RIMS3: variants seen among roughly 807,000 people sequenced by gnomAD.
RIMS3 encodes regulating synaptic membrane exocytosis 3.
A neutral mutation model predicts 29.2 loss-of-function variants in RIMS3; 15 were observed. The ratio of observed to expected loss-of-function variants is 0.51; its 90% confidence interval spans 0.34 to 0.79. The LOEUF (loss-of-function observed/expected upper bound fraction) is 0.79. Ranked by LOEUF, RIMS3 falls within the 30% of genes least tolerant of loss-of-function variation. The pLI, the probability that RIMS3 is intolerant of heterozygous loss-of-function variation, is 0.01. For synonymous variants in RIMS3, 161 were observed against 170.1 expected, an observed-to-expected ratio of 0.95 and a Z score of 0.41; for missense variants, 342 against 421.4, an observed-to-expected ratio of 0.81 and a Z score of 1.65.
At chr1:40,682,739 A>ATTTTTTTTTTTTTTTTT in the RIMS3 span, among the ~76,000 whole-genome samples, 4 of 46,484 alleles carry the variant, frequency 8.6e-5, no homozygotes, top group African/African-American at 3.5e-4. Flanking sequence ...CCCTTTGCAG[A>ATTTTTTTTTTTTTTTTT]TCTTTTTTTT....
At chr1:40,657,801 TC>T (rs1457897647) in intron 1 of RIMS3, among the ~76,000 whole-genome samples, 3 of 149,174 alleles carry the variant, frequency 2.0e-5, no homozygotes, top group Non-Finnish European at 4.4e-5. Context: ...GCACCTGTAG[TC>T]CCAACTTCTT....
At chr1:40,675,931 A>C in the RIMS3 span, among the ~76,000 whole-genome samples, 1 of 152,092 alleles carries the variant, frequency 6.6e-6, no homozygotes, top group Non-Finnish European at 1.5e-5. Flanking sequence ...CTGTCAAAAA[A>C]AAAAAGTCAT....
chr1:40,624,315 C>T lies in RIMS3; in HGVS notation c.*2202G>A, dbSNP rs1290028646. 6.6e-6 allele frequency: 1 copy of T among 152,156 alleles called. No homozygotes were observed. Among genetic ancestry groups the T allele is most frequent in the African/African-American group, 2.4e-5 (1 of 41,418 alleles). 9.4% of individuals were successfully genotyped at this position (152,156 alleles called of 1,614,324 possible). A position where few individuals can be genotyped will look rare whatever the true frequency, so the allele number is the denominator to read the frequency against. On this transcript the variant is annotated 3_prime_UTR_variant, in exon 8 of 8. Transcript: ENST00000372684. ...AAGGTGTAGAGTATTTTCGCAACAC[C>T]CTGACAGTGACTGCTCTAGAGGTGA...
rs1646498611 is a variant in RIMS3, at chr1:40,632,997, C to T, written c.472+72G>A. 6.1e-6 allele frequency: 7 copies of T among 1,156,330 alleles called. No homozygotes were observed. The South Asian group carries it at 6.1e-5, about 10-fold the overall frequency. The allele number at this position is 1,156,330 out of a possible 1,614,324, so 71.6% of individuals were successfully genotyped here. A position where few individuals can be genotyped will look rare whatever the true frequency, so the allele number is the denominator to read the frequency against. ...AAACTCTACGATGGCCAATGCAGGG[C>T]CCCCACTGAGCTCACCCTTCCTGTC... On this transcript the variant is annotated intron_variant, in intron 5 of 7. Transcript: ENST00000372684.
chr1:40,656,574 G>A (rs1427200929), intron 1 of RIMS3, among the ~76,000 whole-genome samples: 3 of 151,964 alleles, frequency 2.0e-5, no homozygotes, highest in East Asian at 1.9e-4. Context: ...AACTGAGGTC[G>A]GGAGTTCATG....
At chr1:40,638,620 G>A (rs1239415956) in intron 3 of RIMS3, among the ~76,000 whole-genome samples, 1 of 152,190 alleles carries the variant, frequency 6.6e-6, no homozygotes, top group East Asian at 1.9e-4. Context: ...TCCAGAAGGG[G>A]AAAGCCACTG....
chr1:40,662,927 G>A (rs948857398), intron 1 of RIMS3, among the ~76,000 whole-genome samples: 1 of 152,128 alleles, frequency 6.6e-6, no homozygotes, highest in African/African-American at 2.4e-5. Flanking sequence ...ATGCCCAAGT[G>A]CCTGGTCTCT....
In RIMS3 at chr1:40,620,701, T is replaced by C. The variant is rs1048002957; in HGVS notation, c.*5816A>G. On this transcript the variant is annotated 3_prime_UTR_variant, in exon 8 of 8. Transcript: ENST00000372684. ...GAAACCATTTTCAAACTGACTTTAA[T>C]CATGTTTTGCTGCCCAAATACTGTA... 6.6e-6 allele frequency: 1 copy of C among 152,646 alleles called. No individual in the cohort carries two copies. The highest frequency in any genetic ancestry group is 2.4e-5 in the African/African-American group (1 of 41,452). 9.5% of individuals were successfully genotyped at this position (152,646 alleles called of 1,614,324 possible). A position where few individuals can be genotyped will look rare whatever the true frequency, so the allele number is the denominator to read the frequency against.
chr1:40,667,023 C>T (rs1400450935), upstream of RIMS3, among the ~76,000 whole-genome samples: 2 of 151,004 alleles, frequency 1.3e-5, no homozygotes, highest in East Asian at 1.9e-4. Context: ...AACTCTGTCT[C>T]AAAAAAAAGT....
chr1:40,633,282 C>CAGAGGGACGTGCCCA, intron 4 of RIMS3, 101 bp from the exon 5 acceptor site: 1 of 829,440 alleles, frequency 1.2e-6, no homozygotes, highest in Non-Finnish European at 2.0e-6. Flanking sequence ...GCCCTGGGCA[C>CAGAGGGACGTGCCCA]GTCCCTCTGT....
rs1296973796 is a variant in RIMS3 at position 40,654,695 on chromosome 1, C to T, written c.-206-6853G>A. Among the ~76,000 whole-genome samples, 3 of 152,052 alleles carry T rather than the reference C, an allele frequency of 2.0e-5. No individual in the cohort carries two copies. Among genetic ancestry groups the T allele is most frequent in the Non-Finnish European group, 4.4e-5 (3 of 68,012 alleles). On this transcript the variant is annotated intron_variant, in intron 1 of 7. Transcript: ENST00000372684. This position sits in a 1 kb window ranked among gnomAD's most constrained non-coding sequence, Gnocchi z 5.3. ...CTCGCACGCTGCAGAAAAACTCCCT[C>T]GCAGAGAACTGCAGACATATCGCAT...
the RIMS3 span, among the ~76,000 whole-genome samples, chr1:40,689,489 C>T: frequency 6.6e-6 from 1 of 152,128 alleles, no homozygotes; most frequent in African/African-American, 2.4e-5. Flanking sequence ...ACCATCTTGG[C>T]CAGGCTGGTC....
At position 40,626,231 on chromosome 1, in the gene RIMS3, C is replaced by T. The variant is rs552465776; in HGVS notation, c.*286G>A. The T allele has an allele frequency of 4.1e-6, 2 of 482,602 alleles. No homozygotes were observed. Among genetic ancestry groups the T allele is most frequent in the East Asian group, 7.8e-5 (2 of 25,562 alleles). 29.9% of individuals were successfully genotyped at this position (482,602 alleles called of 1,614,324 possible). Reference sequence around the variant, plus strand: ...CACAACACTCCTTTGGGTTTCTTTTCAACAAGACACAAAGAGACGTGGAGA... The same window carrying T: ...CACAACACTCCTTTGGGTTTCTTTTTAACAAGACACAAAGAGACGTGGAGA... On this transcript the variant is annotated 3_prime_UTR_variant, in exon 8 of 8. Transcript: ENST00000372684.
chr1:40,637,881 T>A (rs889304711), intron 3 of RIMS3, among the ~76,000 whole-genome samples: 6 of 152,084 alleles, frequency 3.9e-5, no homozygotes, highest in African/African-American at 1.2e-4. Context: ...TAACTCTACA[T>A]CCTCTCTAAC....
rs535807968 is a variant in RIMS3 at position 40,627,112 on chromosome 1, C to T, written c.715-383G>A. ...CCAGCATTTCAGATAACAGCCTTCC[C>T]CAGGAAGGGGCAAACTGAGAGTTCA... On this transcript the variant is annotated intron_variant, in intron 7 of 7. Transcript: ENST00000372684. Among the ~76,000 whole-genome samples the T allele has an allele frequency of 5.9e-5, 9 of 152,216 alleles. No individual in the cohort carries two copies. In the East Asian group the frequency reaches 1.7e-3, roughly 29 times the overall value.
At chr1:40,672,656 C>T in the RIMS3 span, among the ~76,000 whole-genome samples, 1 of 152,174 alleles carries the variant, frequency 6.6e-6, no homozygotes, top group Non-Finnish European at 1.5e-5. Context: ...CAGTCTTTTA[C>T]TGAGCAGCTA....
Position 40,650,680 on chromosome 1 carries a change from G to A in RIMS3, c.-206-2838C>T, listed in dbSNP as rs117133733. 2.1e-4 allele frequency among the ~76,000 whole-genome samples: 32 copies of A among 151,424 alleles called. No homozygotes were observed. In the East Asian group the frequency reaches 4.7e-3, roughly 22 times the overall value. Reference sequence around the variant, plus strand: ...ATTTTGAGACCAGCCTGAGCAACACGGTAAAACCTCATCTCTAAAAAAAAA... The same window carrying A: ...ATTTTGAGACCAGCCTGAGCAACACAGTAAAACCTCATCTCTAAAAAAAAA... On this transcript the variant is annotated intron_variant, in intron 1 of 7. Transcript: ENST00000372684.
chr1:40,677,614 C>T, the RIMS3 span, among the ~76,000 whole-genome samples: 1 of 152,076 alleles, frequency 6.6e-6, no homozygotes, highest in Non-Finnish European at 1.5e-5. Flanking sequence ...AGGAGAATGG[C>T]GTGAACCCAG....
At chr1:40,672,245 C>T in the RIMS3 span, among the ~76,000 whole-genome samples, 1 of 140,596 alleles carries the variant, frequency 7.1e-6, no homozygotes, top group Non-Finnish European at 1.5e-5. Flanking sequence ...TTCACCCAGG[C>T]CGGACTGCAG....
Sources: gnomAD v4.1 joint callset for allele counts (sites outside exome capture counted in the v4.1 genomes callset) on GRCh38, gnomAD v4.1.1 for gene constraint, Gnocchi (gnomAD v3.1) non-coding constraint, MANE v1.5 for transcripts, NCBI Gene and HGNC (gene_info 2026-07-23, HGNC 2026-07-21) for gene names.